Variants in ITPR2 observed in about 807,000 individuals in gnomAD.
ITPR2 encodes inositol 1,4,5-trisphosphate receptor type 2, also known as inositol 1,4,5-trisphosphate-gated calcium channel ITPR2.
A neutral mutation model predicts 317.1 loss-of-function variants in ITPR2; 207 were observed. The observed-to-expected ratio is 0.65, with a 90% CI of 0.58 to 0.73. ITPR2 has a LOEUF of 0.73. Ranked by LOEUF, ITPR2 falls within the 30% of genes least tolerant of loss-of-function variation. ITPR2 has a pLI of 0.00. For missense variants in ITPR2, 2,613 were observed against 3,284.0 expected (o/e 0.80, Z 4.99); for synonymous variants, 1,156 against 1,149.1 (o/e 1.01, Z -0.12).
At chr12:26,677,511 G>A (rs1014597015) in intron 13 of ITPR2, among the ~76,000 whole-genome samples, 57 of 151,748 alleles carry the variant, frequency 3.8e-4, no homozygotes, top group Non-Finnish European at 1.3e-4. Context: ...GAGGTGGGAG[G>A]ATCACCTGAG....
rs116365010 is a variant in ITPR2 at position 26,613,315 on chromosome 12, A to G, written c.3462+7808T>C. Among the ~76,000 whole-genome samples, 653 of 152,338 alleles carry G rather than the reference A, an allele frequency of 4.3e-3. 9 individuals carry two copies. Among genetic ancestry groups the G allele is most frequent in the African/African-American group, 0.015 (628 of 41,564 alleles). On this transcript the variant is annotated intron_variant, in intron 26 of 56. Coordinates refer to ENST00000381340, the MANE Select transcript of ITPR2 (RefSeq NM_002223.4). ...ATTGAGACAAATACACAGGCTCAAA[A>G]CAAAGAGCTGTCTCTTGTTAAGAAT... is the stretch of plus-strand genomic sequence containing the variant.
chr12:26,644,822 C>T (rs1052199633), intron 21 of ITPR2, among the ~76,000 whole-genome samples: 2 of 152,166 alleles, frequency 1.3e-5, no homozygotes, highest in Non-Finnish European at 2.9e-5. Context: ...ACCTCCTAGC[C>T]TCCTGAACTG....
chr12:26,777,785 C>T (rs554458650), intron 2 of ITPR2, among the ~76,000 whole-genome samples: 1 of 152,272 alleles, frequency 6.6e-6, no homozygotes, highest in African/African-American at 2.4e-5. Context: ...AGGTCCTTCC[C>T]CTTGATGAAG....
At chr12:26,759,586 C>T (rs1949591472) in intron 2 of ITPR2, among the ~76,000 whole-genome samples, 1 of 152,164 alleles carries the variant, frequency 6.6e-6, no homozygotes, top group African/African-American at 2.4e-5. Context: ...ATACTAAGAG[C>T]TGGAACACAC....
chr12:26,665,355 GTC>G (rs965035065), intron 14 of ITPR2, among the ~76,000 whole-genome samples: 3 of 152,174 alleles, frequency 2.0e-5, no homozygotes, highest in Non-Finnish European at 2.9e-5. Flanking sequence ...GTTTTTGGAG[GTC>G]CATGGTAGGC....
chr12:26,427,656 G>C (rs1438466457), intron 49 of ITPR2, among the ~76,000 whole-genome samples: 1 of 151,988 alleles, frequency 6.6e-6, no homozygotes, highest in Non-Finnish European at 1.5e-5. Context: ...CATTAAAATT[G>C]GATTGGATTA....
intron 5 of ITPR2, 109 bp from the exon 6 acceptor site, chr12:26,716,351 T>A (rs1948740070): frequency 3.2e-6 from 2 of 634,034 alleles, no homozygotes; most frequent in Non-Finnish European, 2.7e-6. Context: ...TGACATCTGG[T>A]CCTTTTATCC....
Position 26,578,723 on chromosome 12 carries a change from C to A in ITPR2, c.4620G>T (p.Leu1540Phe). 6.3e-7 allele frequency: 1 copy of A among 1,599,154 alleles called. No homozygotes were observed. Among genetic ancestry groups the A allele is most frequent in the South Asian group, 1.1e-5 (1 of 88,848 alleles). The change falls in exon 34 of 57, where the codon TTG becomes TTT. Residue 1540 changes from leucine (L) to phenylalanine (F), a missense_variant. Leu to Phe is a conservative substitution (Grantham distance 22). This residue lies in a region of ITPR2 where 926 missense variants were observed against 1,072.8 expected (regional missense o/e 0.86). Coordinates refer to ENST00000381340, the MANE Select transcript of ITPR2 (RefSeq NM_002223.4). ...KASVESCIRT[L>F]AEVAKNRGIA... ...CAAACTATGACTTACCCACTTCAGCCAAAGTTCTGATACAGGATTCCACTG... is the reference window on the plus strand; with the variant it reads ...CAAACTATGACTTACCCACTTCAGCAAAAGTTCTGATACAGGATTCCACTG...
At chr12:26,754,383 C>A (rs949233005) in intron 2 of ITPR2, among the ~76,000 whole-genome samples, 3 of 152,206 alleles carry the variant, frequency 2.0e-5, no homozygotes, top group South Asian at 2.1e-4. Flanking sequence ...AAAGTCAGCT[C>A]TTATCTGCAC....
chr12:26,803,895 C>T (rs2137248274), intron 1 of ITPR2, among the ~76,000 whole-genome samples: 1 of 152,250 alleles, frequency 6.6e-6, no homozygotes, highest in South Asian at 2.1e-4. Flanking sequence ...ACAATCATTA[C>T]AGCATGAGAA....
intron 17 of ITPR2, 53 bp from the exon 18 acceptor site, chr12:26,657,945 T>C: frequency 5.6e-6 from 9 of 1,605,094 alleles, no homozygotes; most frequent in Non-Finnish European, 7.7e-6. Flanking sequence ...CTTGTAAATA[T>C]GACAAAGAAT....
chr12:26,789,131 T>C (rs1489434704), intron 2 of ITPR2, among the ~76,000 whole-genome samples: 4 of 152,238 alleles, frequency 2.6e-5, no homozygotes, highest in African/African-American at 9.6e-5. Flanking sequence ...TTCCACATTC[T>C]GCGCAAATTT....
At chr12:26,484,868 C>T (rs1342166163) in intron 41 of ITPR2, among the ~76,000 whole-genome samples, 5 of 152,184 alleles carry the variant, frequency 3.3e-5, no homozygotes, top group South Asian at 2.1e-4. Context: ...CCAGCCACCA[C>T]GCCCAGCTAA....
rs1243638276 is a variant in ITPR2 at position 26,831,666 on chromosome 12, T to C, written c.92+1024A>G. ...AGTCCTATTTAACCATTTGGCACAC[T>C]GTTTTATATATAAATATATATATAT... On this transcript the variant is annotated intron_variant, in intron 1 of 56. Coordinates refer to ENST00000381340, the MANE Select transcript of ITPR2 (RefSeq NM_002223.4). This position sits in a 1 kb window ranked among gnomAD's most constrained non-coding sequence, Gnocchi z 4.9. Among the ~76,000 whole-genome samples, 1 of 130,828 alleles carries C rather than the reference T, an allele frequency of 7.6e-6. No individual in the cohort carries two copies. The highest frequency in any genetic ancestry group is 1.8e-5 in the Non-Finnish European group (1 of 56,732). The allele number at this position is 130,828 out of a possible 152,430, so 85.8% of individuals were successfully genotyped here.
chr12:26,341,831 A>T (rs566127420), intron 55 of ITPR2, among the ~76,000 whole-genome samples: 2 of 152,338 alleles, frequency 1.3e-5, no homozygotes, highest in South Asian at 4.1e-4. Flanking sequence ...TGTGTGTATC[A>T]AAATCCCCTG....
In ITPR2 at chr12:26,621,265, T is replaced by C; in HGVS notation, c.3320A>G (p.Asp1107Gly). The change falls in exon 26 of 57, where the codon GAT becomes GGT. Residue 1107 changes from aspartate (D) to glycine (G), a missense_variant. Around this residue, in one of 9 missense-constraint regions of ITPR2, gnomAD observed 817 missense variants for 897.6 expected, o/e 0.91. Transcript: ENST00000381340. ...VQLLVSNQDV[D>G]NYKQIKADLD... ...ATCTGCCTTGATTTGCTTGTAGTTA[T>C]CTACGTCTTGATTAGACACCAGTAA... 5 of 1,613,384 alleles carry C rather than the reference T, an allele frequency of 3.1e-6. No individual in the cohort carries two copies. Among genetic ancestry groups the C allele is most frequent in the Non-Finnish European group, 2.5e-6 (3 of 1,179,628 alleles).
Position 26,658,131 on chromosome 12 carries a change from C to A in ITPR2, c.1887-1G>T, listed in dbSNP as rs1947415839. Reference sequence around the variant, plus strand: ...CAGATCTGACAAATAATCCAAAAACCTGGCAAAAGAAAAAAATTAAATGGA... The same window carrying A: ...CAGATCTGACAAATAATCCAAAAACATGGCAAAAGAAAAAAATTAAATGGA... On this transcript the variant is annotated splice_acceptor_variant, in intron 16 of 56. Transcript: ENST00000381340. LOFTEE classifies it high-confidence loss of function. 2 of 1,543,166 alleles carry A rather than the reference C, an allele frequency of 1.3e-6. No individual in the cohort carries two copies. The highest frequency in any genetic ancestry group is 8.7e-7 in the Non-Finnish European group (1 of 1,146,754).
At chr12:26,429,211 A>T (rs150624578) in intron 48 of ITPR2, among the ~76,000 whole-genome samples, 148 of 152,324 alleles carry the variant, frequency 9.7e-4, no homozygotes, top group African/African-American at 3.5e-3. Flanking sequence ...TAAAAGACAA[A>T]CAAAAAATCA....
intron 52 of ITPR2, among the ~76,000 whole-genome samples, chr12:26,405,207 A>G (rs936011334): frequency 1.3e-5 from 2 of 152,160 alleles, no homozygotes; most frequent in Non-Finnish European, 2.9e-5. Context: ...TATAAACAAA[A>G]GTAAAGAATT....
Sources: allele counts gnomAD v4.1 joint callset (sites outside exome capture counted in the v4.1 genomes callset), GRCh38; gene constraint gnomAD v4.1.1; regional missense constraint gnomAD v4.1.1; non-coding constraint Gnocchi (gnomAD v3.1); transcripts MANE v1.5; gene names NCBI Gene and HGNC (gene_info 2026-07-23, HGNC 2026-07-21).